NRXN3: variants seen among roughly 807,000 people sequenced by gnomAD.
NRXN3 encodes the protein neurexin 3.
Under a neutral mutation model 137.6 loss-of-function variants are expected in NRXN3, and 32 were observed. That is an observed-to-expected ratio of 0.23 (90% confidence interval 0.18 to 0.31). The LOEUF (loss-of-function observed/expected upper bound fraction) is 0.31, where lower values mean the gene tolerates loss of function less well. NRXN3 is among the 10% of genes least tolerant of loss of function. The pLI, the probability that NRXN3 is intolerant of heterozygous loss-of-function variation, is 1.00. For synonymous variants in NRXN3, 798 were observed against 784.5 expected (o/e 1.02, Z -0.29); for missense variants, 1,574 against 2,062.5 (o/e 0.76, Z 4.59).
chr14:78,579,629 C>A (rs2096972428), intron 4 of NRXN3, among the ~76,000 whole-genome samples: 1 of 152,086 alleles, frequency 6.6e-6, no homozygotes, highest in African/African-American at 2.4e-5. Flanking sequence ...CTTCTCATCA[C>A]CCTCTTCAGG....
At chr14:79,006,183 T>C (rs1475538252) in intron 15 of NRXN3, among the ~76,000 whole-genome samples, 2 of 152,224 alleles carry the variant, frequency 1.3e-5, no homozygotes, top group Non-Finnish European at 2.9e-5. Flanking sequence ...TAAGCCTTTC[T>C]GAGAGCAGAC....
At chr14:79,128,688 T>C (rs1474656183) in intron 15 of NRXN3, among the ~76,000 whole-genome samples, 6 of 152,198 alleles carry the variant, frequency 3.9e-5, no homozygotes, top group Non-Finnish European at 7.3e-5. Context: ...GATGCTGGCC[T>C]CATAAAATGA....
intron 10 of NRXN3, among the ~76,000 whole-genome samples, chr14:78,842,350 G>A (rs1465154051): frequency 2.6e-5 from 4 of 151,900 alleles, no homozygotes; most frequent in Admixed American, 6.6e-5. Context: ...ATCACATATC[G>A]GCAGGTTCCG....
At chr14:79,049,022 CAAAAAAAAAAAAAAAAAAAAAAAAAAA>C (rs1171306670) in intron 15 of NRXN3, among the ~76,000 whole-genome samples, 9 of 29,472 alleles carry the variant, frequency 3.1e-4, no homozygotes, top group East Asian at 8.8e-4. Context: ...AACTCCGTCT[CAAAAAAAAAAAAAAAAAAAAAAAAAAA>C]AAAAAAAAAA....
intron 2 of NRXN3, among the ~76,000 whole-genome samples, chr14:78,253,767 T>G (rs2069034234): frequency 6.6e-6 from 1 of 152,174 alleles, no homozygotes; most frequent in African/African-American, 2.4e-5. Context: ...CATCCTCCTC[T>G]GCACTATATA....
chr14:78,713,106 C>CG (rs1290473477), intron 7 of NRXN3, among the ~76,000 whole-genome samples: 5 of 152,090 alleles, frequency 3.3e-5, no homozygotes, highest in Non-Finnish European at 7.4e-5. Flanking sequence ...TTTTCCAGTT[C>CG]GGGAAATTGA....
chr14:78,327,947 C>T (rs1597375903), intron 4 of NRXN3, among the ~76,000 whole-genome samples: 2 of 144,512 alleles, frequency 1.4e-5, no homozygotes, highest in East Asian at 4.4e-4. Flanking sequence ...GGTGAATCAG[C>T]ACATCAGCAA....
chr14:78,387,335 T>C (rs2090120007), intron 4 of NRXN3, among the ~76,000 whole-genome samples: 1 of 152,152 alleles, frequency 6.6e-6, no homozygotes, highest in Non-Finnish European at 1.5e-5. Flanking sequence ...GGGAACCAGG[T>C]TATAGGGCAG....
intron 4 of NRXN3, among the ~76,000 whole-genome samples, chr14:78,404,400 A>G (rs1435694671): frequency 1.3e-5 from 2 of 152,062 alleles, no homozygotes; most frequent in Admixed American, 1.3e-4. Flanking sequence ...GTCAGATACT[A>G]TTTTGAGCTG....
At chr14:79,060,663 A>T (rs1463004768) in intron 15 of NRXN3, among the ~76,000 whole-genome samples, 1 of 152,188 alleles carries the variant, frequency 6.6e-6, no homozygotes, top group Non-Finnish European at 1.5e-5. Flanking sequence ...TCGCTCAAAA[A>T]CAATTTTGTG....
intron 16 of NRXN3, among the ~76,000 whole-genome samples, chr14:79,595,149 C>T (rs1439519812): frequency 9.9e-5 from 15 of 152,280 alleles, no homozygotes; most frequent in Admixed American, 8.5e-4. Flanking sequence ...TTCCATGAGT[C>T]GGGACACATT....
At chr14:79,366,793 T>G (rs1197262311) in intron 15 of NRXN3, among the ~76,000 whole-genome samples, 1 of 152,208 alleles carries the variant, frequency 6.6e-6, no homozygotes. Flanking sequence ...TTTGAATGAA[T>G]GTATGCATTT....
intron 4 of NRXN3, among the ~76,000 whole-genome samples, chr14:78,480,740 A>C (rs1227432550): frequency 6.6e-6 from 1 of 152,154 alleles, no homozygotes; most frequent in Non-Finnish European, 1.5e-5. Flanking sequence ...CATATTGTGC[A>C]GCTTTTTTTG....
At chr14:79,629,279 A>C (rs1302563490) in intron 16 of NRXN3, among the ~76,000 whole-genome samples, 1 of 152,212 alleles carries the variant, frequency 6.6e-6, no homozygotes, top group Non-Finnish European at 1.5e-5. Flanking sequence ...AATGAAAAAA[A>C]ATAAGCAACA....
chr14:79,188,196 T>C (rs1291798869), intron 15 of NRXN3, among the ~76,000 whole-genome samples: 2 of 152,196 alleles, frequency 1.3e-5, no homozygotes, highest in Non-Finnish European at 2.9e-5. Flanking sequence ...CTTTGGCTGA[T>C]AAATTGAGAG....
intron 1 of NRXN3, among the ~76,000 whole-genome samples, chr14:78,206,125 A>C (rs1278192076): frequency 6.6e-6 from 1 of 152,232 alleles, no homozygotes; most frequent in Non-Finnish European, 1.5e-5. Context: ...TGTGGGGCAC[A>C]AAAGTGGAGA....
At chr14:78,645,766 A>G (rs1322905753) in intron 5 of NRXN3, among the ~76,000 whole-genome samples, 3 of 152,108 alleles carry the variant, frequency 2.0e-5, no homozygotes, top group Admixed American at 1.3e-4. Flanking sequence ...GTTAAATTCA[A>G]TTAGGGACTG....
At chr14:78,497,836 T>C (rs1392872430) in intron 4 of NRXN3, among the ~76,000 whole-genome samples, 1 of 152,194 alleles carries the variant, frequency 6.6e-6, no homozygotes, top group African/African-American at 2.4e-5. Context: ...AGCATCTTCC[T>C]CTGTAGGATG....
At chr14:78,471,409 A>G (rs565952427) in intron 4 of NRXN3, among the ~76,000 whole-genome samples, 1 of 152,200 alleles carries the variant, frequency 6.6e-6, no homozygotes, top group Admixed American at 6.5e-5. Context: ...CAGCATGATT[A>G]GGCCTACTGG....
Sources: gnomAD v4.1 joint callset for allele counts (sites outside exome capture counted in the v4.1 genomes callset) on GRCh38, gnomAD v4.1.1 for gene constraint, MANE v1.5 for transcripts, NCBI Gene and HGNC (gene_info 2026-07-23, HGNC 2026-07-21) for gene names.